The following SLTM variants were observed in gnomAD, a reference collection of about 807,000 sequenced individuals.
SLTM encodes the protein SAFB-like transcription modulator.
A neutral mutation model predicts 134.6 loss-of-function variants in SLTM; 43 were observed. The ratio of observed to expected loss-of-function variants is 0.32; its 90% CI spans 0.25 to 0.41. SLTM has a LOEUF of 0.41. Among genes scored for constraint, SLTM ranks in the 10% least tolerant of loss-of-function variants. SLTM has a pLI of 1.00. For missense variants in SLTM, 1,055 were observed against 1,288.8 expected, an observed-to-expected ratio of 0.82 and a Z score of 2.78; for synonymous variants, 424 against 432.3, an observed-to-expected ratio of 0.98 and a Z score of 0.24.
rs574163619 is a variant in SLTM, at chr15:58,879,348, C to G, written c.*651G>C. The stretch of plus-strand genomic sequence containing the variant: ...TCTATTTGGTTTCATACCATGCAAA[C>G]CTGAACAAGTGTGCTGCTACACTAA... On this transcript the variant is annotated 3_prime_UTR_variant, in exon 21 of 21. Transcript: ENST00000380516. The G allele has an allele frequency of 3.3e-5, 5 of 152,558 alleles. No individual in the cohort carries two copies. Among genetic ancestry groups the G allele is most frequent in the African/African-American group, 1.2e-4 (5 of 41,566 alleles). The allele number at this position is 152,558 out of a possible 1,614,324, so 9.5% of individuals were successfully genotyped here. A position where few individuals can be genotyped will look rare whatever the true frequency, so the allele number is the denominator to read the frequency against.
In SLTM at chr15:58,894,456, C is replaced by T; in HGVS notation, c.1354G>A (p.Gly452Arg). The part of the protein sequence containing the change: ...IAHLHRTELH[G>R]QLISVEKVKG... ...ACTTTTTCAACAGAAATCAGCTGTCCATGCAGCTCAGTGCGATGAAGATGT... is the reference window on the plus strand; with the variant it reads ...ACTTTTTCAACAGAAATCAGCTGTCTATGCAGCTCAGTGCGATGAAGATGT... The change falls in exon 10 of 21, where the codon GGA (glycine) becomes AGA (arginine). Residue 452 changes from glycine to arginine, a missense_variant. By Grantham distance (125) the Gly-to-Arg change is moderately radical. Coordinates refer to ENST00000380516, the MANE Select transcript of SLTM (RefSeq NM_024755.4). The T allele has an allele frequency of 6.2e-7, 1 of 1,614,076 alleles. No individual in the cohort carries two copies. Among genetic ancestry groups the T allele is most frequent in the Non-Finnish European group, 8.5e-7 (1 of 1,179,994 alleles).
intron 1 of SLTM, 39 bp downstream of exon 1, chr15:58,933,365 T>TC: frequency 1.3e-6 from 2 of 1,543,446 alleles, no homozygotes; most frequent in Non-Finnish European, 1.8e-6. Context: ...CGGCCTAAGT[T>TC]CCCCTTCCCG....
At position 58,933,483 on chromosome 15, in the gene SLTM, A is replaced by G; in HGVS notation, c.83T>C (p.Ile28Thr). ...EGKKITDLRV[I>T]DLKSELKRRN... ...CCGCTTCAGCTCGGACTTCAGATCG[A>G]TGACCCGCAGATCGGTGATCTTTTT... The change falls in exon 1 of 21, where the codon ATC becomes ACC. Residue 28 changes from isoleucine to threonine, a missense_variant. Physicochemically the swap from Ile to Thr is moderately conservative, Grantham distance 89 (BLOSUM62 -1). Transcript: ENST00000380516. 1.3e-6 allele frequency: 2 copies of G among 1,598,978 alleles called. No homozygotes were observed. Among genetic ancestry groups the G allele is most frequent in the Non-Finnish European group, 1.7e-6 (2 of 1,173,470 alleles).
Position 58,889,524 on chromosome 15 carries a change from G to A in SLTM, c.2110C>T (p.Arg704Ter). 6.2e-7 allele frequency: 1 copy of A among 1,613,870 alleles called. No individual in the cohort carries two copies. Among genetic ancestry groups the A allele is most frequent in the Non-Finnish European group, 8.5e-7 (1 of 1,179,896 alleles). ...ERRKEAERIA[R>*]EREELRRQQQ... is the part of the protein sequence containing the mutation. ...TGCCTTCTGAGTTCCTCTCTTTCTC[G>A]AGCAATCCGTTCAGCTTCCTTACGA... Residue 704 changes from arginine to a stop codon, truncating the protein, a stop_gained, in exon 16 of 21, where the codon CGA becomes TGA. Coordinates refer to ENST00000380516, the MANE Select transcript of SLTM (RefSeq NM_024755.4). LOFTEE classifies it high-confidence loss of function.
intron 2 of SLTM, among the ~76,000 whole-genome samples, chr15:58,920,627 TAATA>T (rs71119418): frequency 0.21 from 28,894 of 139,474 alleles, 3,261 homozygotes; most frequent in South Asian, 0.43. Context: ...CATCTCAAAA[TAATA>T]AATAAATAAA....
chr15:58,893,739 T>C, intron 12 of SLTM, 82 bp downstream of exon 12: 1 of 1,430,844 alleles, frequency 7.0e-7, no homozygotes, highest in Non-Finnish European at 9.4e-7. Context: ...ATATCTGGAT[T>C]AGAATTTCAG....
intron 4 of SLTM, 182 bp from the exon 5 acceptor site, chr15:58,912,792 G>C: frequency 1.9e-6 from 1 of 532,138 alleles, no homozygotes; most frequent in Non-Finnish European, 3.4e-6. Context: ...AATTAGCCAT[G>C]TCGCTAGAGA....
intron 14 of SLTM, 85 bp downstream of exon 14, chr15:58,892,812 T>C: frequency 2.2e-6 from 3 of 1,394,020 alleles, no homozygotes; most frequent in Middle Eastern, 1.8e-4. Flanking sequence ...TCTGTGGGAA[T>C]ACAATTTCCA....
In SLTM at chr15:58,896,979, A is replaced by T. The variant is rs571403327; in HGVS notation, c.1227+136T>A. The T allele has an allele frequency of 1.0e-4, 60 of 575,964 alleles. No individual in the cohort carries two copies. In the South Asian group the frequency reaches 1.5e-3, roughly 14 times the overall value. The allele number at this position is 575,964 out of a possible 1,614,324, so 35.7% of individuals were successfully genotyped here. A position where few individuals can be genotyped will look rare whatever the true frequency, so the allele number is the denominator to read the frequency against. ...AACTCTCATCTACCATTACCACAGAACTCAATAATTATGTCTATTAACAGT... is the reference window on the plus strand; with the variant it reads ...AACTCTCATCTACCATTACCACAGATCTCAATAATTATGTCTATTAACAGT... On this transcript the variant is annotated intron_variant, in intron 9 of 20. Coordinates refer to ENST00000380516, the MANE Select transcript of SLTM (RefSeq NM_024755.4).
At chr15:58,905,350 G>T (rs2141067730) in intron 5 of SLTM, among the ~76,000 whole-genome samples, 1 of 152,108 alleles carries the variant, frequency 6.6e-6, no homozygotes, top group Admixed American at 6.5e-5. Flanking sequence ...TTTTGTTGAA[G>T]GAATAAATAA....
intron 2 of SLTM, among the ~76,000 whole-genome samples, chr15:58,924,260 GACAAAA>G (rs2037306748): frequency 6.6e-6 from 1 of 152,120 alleles, no homozygotes; most frequent in Non-Finnish European, 1.5e-5. Flanking sequence ...ATTTTGAAAT[GACAAAA>G]ACAAAATCTA....
At chr15:58,888,655 T>C in intron 16 of SLTM, 100 bp from the exon 17 acceptor site, 2 of 1,139,478 alleles carry the variant, frequency 1.8e-6, no homozygotes, top group Non-Finnish European at 2.5e-6. Flanking sequence ...ACTGTGGACA[T>C]AACAGGGCTA....
At chr15:58,917,086 C>T (rs1385748150) in intron 2 of SLTM, 87 bp from the exon 3 acceptor site, 31 of 1,183,974 alleles carry the variant, frequency 2.6e-5, no homozygotes, top group Non-Finnish European at 3.7e-5. Flanking sequence ...CAATAGCACT[C>T]TCCACTCCCA....
chr15:58,883,732 G>A lies in SLTM; in HGVS notation c.2890C>T (p.Pro964Ser), dbSNP rs377080716. Reference protein sequence around the residue: ...VERHGRDTSGPRKEWHGPPSQ... With the variant: ...VERHGRDTSGSRKEWHGPPSQ... ...GGTGGACCATGCCACTCTTTCCTTG[G>A]TCCGCTTGTGTCCCGTCCATGGCGT... The change falls in exon 20 of 21, where the codon CCA becomes TCA. Residue 964 changes from proline to serine, a missense_variant. This residue lies in a region of SLTM where 776 missense variants were observed against 962.2 expected (regional missense o/e 0.81). Coordinates refer to ENST00000380516, the MANE Select transcript of SLTM (RefSeq NM_024755.4). 20 of 1,613,968 alleles carry A rather than the reference G, an allele frequency of 1.2e-5. No homozygotes were observed. The highest frequency in any genetic ancestry group is 1.5e-5 in the Non-Finnish European group (18 of 1,180,028).
intron 19 of SLTM, 111 bp from the exon 20 acceptor site, chr15:58,883,897 A>G: frequency 8.4e-7 from 1 of 1,196,494 alleles, no homozygotes. Flanking sequence ...CAGGAGTTCG[A>G]GACCAGCCTG....
intron 5 of SLTM, among the ~76,000 whole-genome samples, chr15:58,908,530 C>T (rs1289929567): frequency 2.0e-5 from 3 of 152,054 alleles, no homozygotes; most frequent in African/African-American, 7.3e-5. Context: ...CCATACCCAG[C>T]TATTTAAAAT....
intron 5 of SLTM, among the ~76,000 whole-genome samples, chr15:58,902,634 C>T (rs1294101018): frequency 5.9e-5 from 9 of 151,920 alleles, no homozygotes; most frequent in Non-Finnish European, 1.3e-4. Flanking sequence ...TCAAGCGTTC[C>T]TCCTGCCTCA....
intron 17 of SLTM, among the ~76,000 whole-genome samples, chr15:58,887,903 C>T (rs1214318852): frequency 6.6e-6 from 1 of 152,124 alleles, no homozygotes; most frequent in Non-Finnish European, 1.5e-5. Context: ...GTAATCTCAG[C>T]ACTTTGGAAG....
intron 2 of SLTM, chr15:58,921,679 T>C: frequency 3.3e-6 from 1 of 301,296 alleles, no homozygotes; most frequent in African/African-American, 2.2e-5. Context: ...AAATCTCACA[T>C]TAGCTTTGGA....
Sources: gnomAD v4.1 joint callset for allele counts (sites outside exome capture counted in the v4.1 genomes callset) on GRCh38, gnomAD v4.1.1 for gene constraint, gnomAD v4.1.1 regional missense constraint, MANE v1.5 for transcripts, NCBI Gene and HGNC (gene_info 2026-07-23, HGNC 2026-07-21) for gene names.